Variants in HORMAD2 observed in about 807,000 individuals in gnomAD.
HORMAD2 encodes HORMA domain-containing protein 2.
Under a neutral mutation model 38.8 loss-of-function variants are expected in HORMAD2, and 45 were observed. The observed-to-expected ratio is 1.16, with a 90% CI of 0.91 to 1.49. The LOEUF (loss-of-function observed/expected upper bound fraction) is 1.49. Among genes scored for constraint, HORMAD2 ranks in the 40% most tolerant of loss-of-function variants. HORMAD2 has a pLI of 0.00. For missense variants in HORMAD2, 338 were observed against 367.0 expected, an observed-to-expected ratio of 0.92 and a Z score of 0.65; for synonymous variants, 126 against 122.8, an observed-to-expected ratio of 1.03 and a Z score of -0.17.
intron 1 of HORMAD2, among the ~76,000 whole-genome samples, chr22:30,092,345 CT>C (rs34673975): frequency 0.013 from 1,393 of 107,914 alleles, 9 homozygotes; most frequent in African/African-American, 0.032. Flanking sequence ...AGATCCTTTG[CT>C]TTTTTTTTTT....
intron 1 of HORMAD2, among the ~76,000 whole-genome samples, chr22:30,087,022 C>G (rs1455517868): frequency 6.6e-6 from 1 of 152,030 alleles, no homozygotes; most frequent in East Asian, 1.9e-4. Context: ...CCACCACGCC[C>G]AGCTAATTTT....
At chr22:30,168,102 C>T (rs934337162) in intron 10 of HORMAD2, among the ~76,000 whole-genome samples, 3 of 152,108 alleles carry the variant, frequency 2.0e-5, no homozygotes, top group African/African-American at 7.2e-5. Flanking sequence ...CTAAGTAAAA[C>T]TCTACATTAT....
chr22:30,186,955 A>G, the HORMAD2 span, among the ~76,000 whole-genome samples: 4 of 152,118 alleles, frequency 2.6e-5, no homozygotes, highest in Non-Finnish European at 5.9e-5. Context: ...GCATTTTGTC[A>G]TGGCCTCTGG....
intron 1 of HORMAD2, among the ~76,000 whole-genome samples, chr22:30,085,404 C>T (rs890635327): frequency 1.8e-4 from 28 of 152,112 alleles, no homozygotes; most frequent in African/African-American, 5.8e-4. Flanking sequence ...CTATATTAAA[C>T]AGATGGTTGC....
At position 30,122,068 on chromosome 22, in the gene HORMAD2, A is replaced by G. The variant is rs762271431; in HGVS notation, c.673A>G (p.Thr225Ala). ...CAACGTGCAAGTGGGATTTGTCTCCACTGGCTTTCATAGCATGAAAGTAAA... is the reference window on the plus strand; with the variant it reads ...CAACGTGCAAGTGGGATTTGTCTCCGCTGGCTTTCATAGCATGAAAGTAAA... ...PINVQVGFVS[T>A]GFHSMKVKVM... Residue 225 changes from threonine (T) to alanine (A), a missense_variant, in exon 10 of 11, where the codon ACT becomes GCT. Thr to Ala is a moderately conservative substitution (Grantham distance 58, BLOSUM62 0). Coordinates refer to ENST00000336726, the MANE Select transcript of HORMAD2 (RefSeq NM_152510.4). 7.4e-6 allele frequency: 12 copies of G among 1,613,592 alleles called. No individual in the cohort carries two copies. The highest frequency in any genetic ancestry group is 1.0e-5 in the Non-Finnish European group (12 of 1,179,804).
At chr22:30,130,617 G>T (rs551798161) in intron 10 of HORMAD2, among the ~76,000 whole-genome samples, 1 of 134,464 alleles carries the variant, frequency 7.4e-6, no homozygotes, top group East Asian at 2.2e-4. Context: ...TTGAGACAGG[G>T]TCTCACTCTG....
chr22:30,090,670 G>T (rs1463972930), intron 1 of HORMAD2, among the ~76,000 whole-genome samples: 1 of 152,104 alleles, frequency 6.6e-6, no homozygotes. Context: ...AATGCATAAG[G>T]GTTTTAATTT....
intron 10 of HORMAD2, among the ~76,000 whole-genome samples, chr22:30,126,656 G>A (rs758056786): frequency 5.3e-5 from 8 of 152,142 alleles, no homozygotes; most frequent in Non-Finnish European, 8.8e-5. Context: ...TCTGGAACAT[G>A]TTTTTTAGGG....
At chr22:30,080,563 C>CA (rs1371964722) in intron 1 of HORMAD2, 72 bp downstream of exon 1, 1 of 152,132 alleles carries the variant, frequency 6.6e-6, no homozygotes, top group Non-Finnish European at 1.5e-5. Context: ...GTCTTTATGT[C>CA]AAAAAACAAT....
chr22:30,129,148 G>A (rs1250153878), intron 10 of HORMAD2, among the ~76,000 whole-genome samples: 1 of 145,662 alleles, frequency 6.9e-6, no homozygotes, highest in Non-Finnish European at 1.5e-5. Flanking sequence ...AACCCGGGAG[G>A]TGGAGCTGGC....
In HORMAD2 at chr22:30,081,939, A is replaced by G. The variant is rs75925522; in HGVS notation, c.-38+1448A>G. Among the ~76,000 whole-genome samples, 23 of 152,122 alleles carry G rather than the reference A, an allele frequency of 1.5e-4. No individual in the cohort carries two copies. In the East Asian group the frequency reaches 4.1e-3, roughly 27 times the overall value. On this transcript the variant is annotated intron_variant, in intron 1 of 10. Coordinates refer to ENST00000336726, the MANE Select transcript of HORMAD2 (RefSeq NM_152510.4). ...TAAATCCATGATCCATTTTGCATTA[A>G]TATTTGTATACAGTGTGAGATTTAG...
At chr22:30,153,012 T>A (rs548313069) in intron 10 of HORMAD2, among the ~76,000 whole-genome samples, 1 of 152,294 alleles carries the variant, frequency 6.6e-6, no homozygotes, top group East Asian at 1.9e-4. Context: ...TCCAGTATGC[T>A]CGTCTTTTTA....
intron 10 of HORMAD2, among the ~76,000 whole-genome samples, chr22:30,148,451 G>T (rs938283362): frequency 4.6e-5 from 7 of 152,064 alleles, no homozygotes; most frequent in Non-Finnish European, 8.8e-5. Context: ...CTTGATTGTG[G>T]TGGTTGTTTC....
the HORMAD2 span, among the ~76,000 whole-genome samples, chr22:30,203,224 G>T: frequency 1.6e-5 from 2 of 127,614 alleles, no homozygotes; most frequent in South Asian, 5.4e-4. Context: ...GCGAAACCCT[G>T]TATCTACAAA....
intron 10 of HORMAD2, among the ~76,000 whole-genome samples, chr22:30,138,751 A>G (rs965092468): frequency 6.6e-6 from 1 of 152,218 alleles, no homozygotes; most frequent in African/African-American, 2.4e-5. Context: ...GCATGAAAAG[A>G]ATAAAATACT....
At chr22:30,205,520 G>T in the HORMAD2 span, among the ~76,000 whole-genome samples, 34 of 152,076 alleles carry the variant, frequency 2.2e-4, no homozygotes, top group Non-Finnish European at 3.4e-4. Flanking sequence ...ATTCCCGGAC[G>T]TCCAGCTCCC....
At chr22:30,111,592 G>T (rs189014323) in intron 5 of HORMAD2, among the ~76,000 whole-genome samples, 3 of 152,266 alleles carry the variant, frequency 2.0e-5, no homozygotes, top group Admixed American at 2.0e-4. Flanking sequence ...ATGGATTTTG[G>T]TATTCATAGG....
intron 7 of HORMAD2, among the ~76,000 whole-genome samples, chr22:30,114,113 A>C (rs1921864972): frequency 6.6e-6 from 1 of 152,192 alleles, no homozygotes; most frequent in Non-Finnish European, 1.5e-5. Flanking sequence ...AATTACAAAA[A>C]AAGTATTACA....
In HORMAD2 at chr22:30,104,438, G is replaced by A. The variant is rs764536571; in HGVS notation, c.294+1G>A. The A allele has an allele frequency of 2.4e-5, 39 of 1,605,230 alleles. No individual in the cohort carries two copies. The highest frequency in any genetic ancestry group is 1.7e-4 in the Middle Eastern group (1 of 6,048). On this transcript the variant is annotated splice_donor_variant, in intron 5 of 10. Transcript: ENST00000336726. LOFTEE classifies it high-confidence loss of function. The stretch of plus-strand genomic sequence containing the variant: ...TTTTGATGCTTTGGAAAAGAGATAC[G>A]TAAGAATGTTTTTACACTTACACTG...
Sources: gnomAD v4.1 joint callset for allele counts (sites outside exome capture counted in the v4.1 genomes callset) on GRCh38, gnomAD v4.1.1 for gene constraint, MANE v1.5 for transcripts, NCBI Gene and HGNC (gene_info 2026-07-23, HGNC 2026-07-21) for gene names.